The following PPFIBP1 variants were observed in gnomAD, a reference collection of about 807,000 sequenced individuals.
PPFIBP1 encodes the protein liprin-beta-1.
Under a neutral mutation model 137.8 loss-of-function variants are expected in PPFIBP1, and 112 were observed. The ratio of observed to expected loss-of-function variants is 0.81; its 90% CI spans 0.70 to 0.95. The LOEUF is 0.95. PPFIBP1 is among the 40% of genes least tolerant of loss of function. The pLI is 0.00. For missense variants in PPFIBP1, 1,083 were observed against 1,196.6 expected (o/e 0.91, Z 1.40); for synonymous variants, 378 against 417.3 (o/e 0.91, Z 1.15).
At chr12:27,534,468 G>C (rs1266622993) in intron 1 of PPFIBP1, among the ~76,000 whole-genome samples, 1 of 152,070 alleles carries the variant, frequency 6.6e-6, no homozygotes, top group African/African-American at 2.4e-5. Context: ...AAGAATGACA[G>C]AAGTCTCTCA....
chr12:27,539,487 A>C (rs928977711), intron 1 of PPFIBP1, among the ~76,000 whole-genome samples: 1 of 152,204 alleles, frequency 6.6e-6, no homozygotes, highest in Non-Finnish European at 1.5e-5. Context: ...TGTTTTGACT[A>C]TCAAATTCCC....
chr12:27,648,845 C>T (rs2058703047), intron 6 of PPFIBP1, among the ~76,000 whole-genome samples: 1 of 148,438 alleles, frequency 6.7e-6, no homozygotes. Context: ...TTACCATAGG[C>T]TGGGTAGGGT....
At chr12:27,634,699 G>A (rs577135960) in intron 3 of PPFIBP1, among the ~76,000 whole-genome samples, 2 of 152,206 alleles carry the variant, frequency 1.3e-5, no homozygotes, top group Non-Finnish European at 1.5e-5. Context: ...TCCTAGTTAC[G>A]AACTGGACCA....
intron 2 of PPFIBP1, among the ~76,000 whole-genome samples, chr12:27,614,870 C>A (rs983364023): frequency 3.9e-5 from 6 of 152,136 alleles, no homozygotes; most frequent in Non-Finnish European, 7.4e-5. Context: ...TTCAAAATGA[C>A]AATTGCTATT....
At chr12:27,683,629 T>C (rs1428925386) in intron 24 of PPFIBP1, among the ~76,000 whole-genome samples, 3 of 152,198 alleles carry the variant, frequency 2.0e-5, no homozygotes, top group Non-Finnish European at 4.4e-5. Context: ...TCCTTCATTA[T>C]TGTACATTTC....
chr12:27,564,933 G>A (rs944300699), intron 1 of PPFIBP1, among the ~76,000 whole-genome samples: 32 of 152,234 alleles, frequency 2.1e-4, no homozygotes, highest in Admixed American at 1.7e-3. Context: ...CCCTGTGACC[G>A]CTGCTTCCAG....
chr12:27,564,601 A>G (rs1391261531), intron 1 of PPFIBP1, among the ~76,000 whole-genome samples: 1 of 152,062 alleles, frequency 6.6e-6, no homozygotes. Flanking sequence ...ACGTGCTTTC[A>G]CTTTTCTCCA....
intron 1 of PPFIBP1, among the ~76,000 whole-genome samples, chr12:27,533,048 G>T (rs1285971284): frequency 1.3e-5 from 2 of 152,128 alleles, no homozygotes; most frequent in Non-Finnish European, 1.5e-5. Context: ...TGTTGCCCAG[G>T]CTGGAGAGCA....
intron 2 of PPFIBP1, among the ~76,000 whole-genome samples, chr12:27,581,925 T>G (rs898042221): frequency 6.6e-6 from 1 of 151,978 alleles, no homozygotes; most frequent in African/African-American, 2.4e-5. Context: ...AGATAGAGAT[T>G]TAGTTGGGCT....
intron 16 of PPFIBP1, 149 bp downstream of exon 16, chr12:27,673,976 A>G: frequency 1.2e-6 from 1 of 806,226 alleles, no homozygotes; most frequent in Non-Finnish European, 2.0e-6. Context: ...GTTTAACAGT[A>G]AATATTAAGA....
intron 1 of PPFIBP1, among the ~76,000 whole-genome samples, chr12:27,574,714 T>C (rs974320270): frequency 2.6e-5 from 4 of 152,218 alleles, no homozygotes; most frequent in Admixed American, 2.6e-4. Context: ...CAACGTAGCA[T>C]AAAGATTAAG....
At chr12:27,525,754 A>G (rs796722655) in intron 1 of PPFIBP1, among the ~76,000 whole-genome samples, 39 of 152,304 alleles carry the variant, frequency 2.6e-4, no homozygotes, top group African/African-American at 9.1e-4. Flanking sequence ...AAGTCAGGAA[A>G]AGGGATAGAG....
intron 2 of PPFIBP1, among the ~76,000 whole-genome samples, chr12:27,583,925 GT>G (rs1477651966): frequency 6.6e-6 from 1 of 152,132 alleles, no homozygotes; most frequent in Non-Finnish European, 1.5e-5. Context: ...TATATGGCTG[GT>G]TTTTTGCACT....
chr12:27,593,602 C>A, intron 2 of PPFIBP1: 1 of 420,626 alleles, frequency 2.4e-6, no homozygotes, highest in South Asian at 2.4e-5. Context: ...TCTTCATTGT[C>A]TTTCAGATTT....
intron 2 of PPFIBP1, among the ~76,000 whole-genome samples, chr12:27,631,678 A>C (rs2057279830): frequency 6.6e-6 from 1 of 152,196 alleles, no homozygotes; most frequent in African/African-American, 2.4e-5. Flanking sequence ...TCATACCTTC[A>C]TATAATAGCA....
chr12:27,691,817 T>C lies in PPFIBP1; in HGVS notation c.2754T>C (p.Tyr918=), dbSNP rs777699882. The change falls in exon 28 of 30, where the codon TAT becomes TAC. Residue 918 remains tyrosine, a synonymous_variant. Transcript: ENST00000228425. The part of the protein sequence containing the change: ...RKKKQEDGEE[Y]VCPMELGQAS... ...AGAAACAGGAAGATGGTGAAGAATA[T>C]GTTTGTCCAATGGAATTGGGACAGG... 1.9e-6 allele frequency: 3 copies of C among 1,614,050 alleles called. No homozygotes were observed. Among genetic ancestry groups the C allele is most frequent in the East Asian group, 2.2e-5 (1 of 44,864 alleles).
chr12:27,575,239 G>T (rs1160982824), intron 1 of PPFIBP1, among the ~76,000 whole-genome samples: 1 of 152,168 alleles, frequency 6.6e-6, no homozygotes, highest in Non-Finnish European at 1.5e-5. Context: ...GTGTGGCTGT[G>T]TTCCAATAAA....
chr12:27,542,437 C>T (rs184433817), intron 1 of PPFIBP1, among the ~76,000 whole-genome samples: 85 of 152,270 alleles, frequency 5.6e-4, no homozygotes, highest in African/African-American at 1.4e-3. Context: ...AAAGTAATTG[C>T]GGTTTTTGCC....
chr12:27,677,456 C>A (rs1011354650), intron 19 of PPFIBP1: 1 of 266,420 alleles, frequency 3.8e-6, no homozygotes, highest in Non-Finnish European at 7.2e-6. Flanking sequence ...TCCTTGCAGT[C>A]CGTTCTCCAT....
Sources: allele counts gnomAD v4.1 joint callset (sites outside exome capture counted in the v4.1 genomes callset), GRCh38; gene constraint gnomAD v4.1.1; transcripts MANE v1.5; gene names NCBI Gene and HGNC (gene_info 2026-07-23, HGNC 2026-07-21).